ABCA13: variants seen among roughly 807,000 people sequenced by gnomAD.
ABCA13 encodes the protein ATP binding cassette subfamily A member 13.
ABCA13 carries 476 observed loss-of-function variants against 478.7 expected under a neutral mutation model. The ratio of observed to expected loss-of-function variants is 0.99; its 90% confidence interval spans 0.92 to 1.07. The LOEUF (loss-of-function observed/expected upper bound fraction) is 1.07, where lower values mean the gene tolerates loss of function less well. Among genes scored for constraint, ABCA13 ranks in the 50% least tolerant of loss-of-function variants. ABCA13 has a pLI of 0.00. For synonymous variants in ABCA13, 2,252 were observed against 2,158.9 expected (o/e 1.04, Z -1.20); for missense variants, 6,060 against 5,910.6 (o/e 1.03, Z -0.83).
At chr7:48,412,648 AGAGATGTGGGTAAAGGGGGG>A in intron 41 of ABCA13, 65 bp downstream of exon 41, 3 of 1,276,384 alleles carry the variant, frequency 2.4e-6, no homozygotes, top group Non-Finnish European at 2.1e-6. Flanking sequence ...CATTAAATGA[AGAGATGTGGGTAAAGGGGGG>A]GAGATGTGGG....
At chr7:48,377,267 C>T (rs562910731) in intron 35 of ABCA13, among the ~76,000 whole-genome samples, 1 of 151,476 alleles carries the variant, frequency 6.6e-6, no homozygotes, top group African/African-American at 2.4e-5. Context: ...GCACGCATAC[C>T]TTTACCTTTT....
intron 1 of ABCA13, among the ~76,000 whole-genome samples, chr7:48,183,192 A>G (rs1795928588): frequency 6.6e-6 from 1 of 152,082 alleles, no homozygotes; most frequent in African/African-American, 2.4e-5. Context: ...TTTCTTTCTT[A>G]TTCATTTACA....
rs1207941916 is a variant in ABCA13, at chr7:48,248,115, AC to A, written c.1660-123del. On this transcript the variant is annotated intron_variant, in intron 13 of 61. Transcript: ENST00000435803. ...TTAGATAATTACCATGCCATAGGGC[AC>A]GATCTTTGATGTACAGTTTGAGTGG... 2.3e-5 allele frequency: 17 copies of A among 733,740 alleles called. No individual in the cohort carries two copies. The African/African-American group carries it at 2.7e-4, about 12-fold the overall frequency. 45.5% of individuals were successfully genotyped at this position (733,740 alleles called of 1,614,324 possible). A position where few individuals can be genotyped will look rare whatever the true frequency, so the allele number is the denominator to read the frequency against.
rs1024729988 is a variant in ABCA13 at position 48,483,309 on chromosome 7, CAT to C, written c.13182+147_13182+148del. 14 of 690,620 alleles carry C rather than the reference CAT, an allele frequency of 2.0e-5. No individual in the cohort carries two copies. The African/African-American group carries it at 2.5e-4, about 13-fold the overall frequency. 42.8% of individuals were successfully genotyped at this position (690,620 alleles called of 1,614,324 possible). A position where few individuals can be genotyped will look rare whatever the true frequency, so the allele number is the denominator to read the frequency against. On this transcript the variant is annotated intron_variant, in intron 47 of 61. Coordinates refer to ENST00000435803, the MANE Select transcript of ABCA13 (RefSeq NM_152701.5). ...AGCATCAAGGAAAATTATATGTAAA[CAT>C]TGTCTTGAAAAAAAATGGCTTGTTT...
intron 56 of ABCA13, 31 bp from the exon 57 acceptor site, chr7:48,587,123 T>A: frequency 6.2e-7 from 1 of 1,611,930 alleles, no homozygotes; most frequent in Non-Finnish European, 8.5e-7. Flanking sequence ...TGGTGAATGC[T>A]GGTGTGCACA....
At chr7:48,505,840 G>A (rs565029850) in intron 48 of ABCA13, among the ~76,000 whole-genome samples, 2 of 152,210 alleles carry the variant, frequency 1.3e-5, no homozygotes, top group Admixed American at 1.3e-4. Context: ...ACATGCGCAA[G>A]CCCAAGAAAG....
At chr7:48,378,851 A>T (rs980617061) in intron 35 of ABCA13, among the ~76,000 whole-genome samples, 1 of 152,202 alleles carries the variant, frequency 6.6e-6, no homozygotes, top group Admixed American at 6.5e-5. Flanking sequence ...TGTGACCTCT[A>T]ATGAGTTATG....
chr7:48,406,423 C>T (rs1408071383), intron 39 of ABCA13, among the ~76,000 whole-genome samples: 2 of 152,164 alleles, frequency 1.3e-5, no homozygotes, highest in Non-Finnish European at 2.9e-5. Context: ...GTGCACAGTT[C>T]TGTATATACC....
chr7:48,440,338 T>A (rs1823411461), intron 42 of ABCA13, among the ~76,000 whole-genome samples: 1 of 152,182 alleles, frequency 6.6e-6, no homozygotes, highest in Non-Finnish European at 1.5e-5. Flanking sequence ...TTCTGAACTT[T>A]ATATAAAAGG....
At position 48,273,339 on chromosome 7, in the gene ABCA13, T is replaced by C; in HGVS notation, c.3673T>C (p.Trp1225Arg). The stretch of plus-strand genomic sequence containing the variant: ...AACTCAAGCCAATGACTTCCATAAT[T>C]GGGAGGACTTCCTGGATCTCAGGGA... The part of the protein sequence containing the change: ...NVTQANDFHN[W>R]EDFLDLRDFL... Residue 1225 changes from tryptophan (W) to arginine (R), a missense_variant, in exon 17 of 62, where the codon TGG (tryptophan) becomes CGG (arginine). Around this residue, in one of 3 missense-constraint regions of ABCA13, gnomAD observed 4,423 missense variants for 4,309.1 expected, o/e 1.03. Coordinates refer to ENST00000435803, the MANE Select transcript of ABCA13 (RefSeq NM_152701.5). 1 of 1,613,698 alleles carries C rather than the reference T, an allele frequency of 6.2e-7. No homozygotes were observed. The highest frequency in any genetic ancestry group is 1.1e-5 in the South Asian group (1 of 91,064).
intron 57 of ABCA13, among the ~76,000 whole-genome samples, chr7:48,589,466 A>G (rs1347832476): frequency 6.6e-6 from 1 of 152,202 alleles, no homozygotes; most frequent in Non-Finnish European, 1.5e-5. Flanking sequence ...AATGAATTCA[A>G]CATGTGTTTT....
At position 48,239,310 on chromosome 7, in the gene ABCA13, G is replaced by A; in HGVS notation, c.967G>A (p.Glu323Lys). The change falls in exon 9 of 62, where the codon GAG becomes AAG. Residue 323 changes from glutamate to lysine, a missense_variant. Glu to Lys is a moderately conservative substitution (Grantham distance 56). Transcript: ENST00000435803. ...VLSSTSEDEA[E>K]KWGHVGGCHP... ...GTCTAGCACATCAGAGGATGAAGCT[G>A]AGAAATGGGGCCACGTTGGAGGCTG... 6.2e-7 allele frequency: 1 copy of A among 1,614,000 alleles called. No individual in the cohort carries two copies. Among genetic ancestry groups the A allele is most frequent in the Non-Finnish European group, 8.5e-7 (1 of 1,179,874 alleles).
chr7:48,389,224 G>A lies in ABCA13; in HGVS notation c.11654+4G>A. On this transcript the variant is annotated splice_donor_region_variant and intron_variant, in intron 37 of 61. Transcript: ENST00000435803. ...GTGCCGGGAAAACCACTATCATGTGGGTCCCATTTTACCCTTATCAAACAC... is the reference window on the plus strand; with the variant it reads ...GTGCCGGGAAAACCACTATCATGTGAGTCCCATTTTACCCTTATCAAACAC... 4 of 1,611,198 alleles carry A rather than the reference G, an allele frequency of 2.5e-6. No homozygotes were observed. In the South Asian group the frequency reaches 4.4e-5, roughly 18 times the overall value.
intron 7 of ABCA13, among the ~76,000 whole-genome samples, chr7:48,232,624 T>C (rs1789321084): frequency 6.6e-6 from 1 of 152,200 alleles, no homozygotes; most frequent in Non-Finnish European, 1.5e-5. Flanking sequence ...TCCAATTATG[T>C]TATGCACTAA....
chr7:48,433,013 G>A (rs71547886), intron 42 of ABCA13, among the ~76,000 whole-genome samples: 24,197 of 151,812 alleles, frequency 0.16, 2,351 homozygotes, highest in East Asian at 0.23. Flanking sequence ...TGATTAGCTC[G>A]GTTTAGCCGC....
At chr7:48,394,838 C>A (rs556261980) in intron 38 of ABCA13, among the ~76,000 whole-genome samples, 6 of 152,250 alleles carry the variant, frequency 3.9e-5, no homozygotes, top group African/African-American at 1.2e-4. Context: ...TATCCCTCAA[C>A]CCCCTTGAGT....
rs1248320265 is a variant in ABCA13 at position 48,646,667 on chromosome 7, A to C, written c.*1155A>C. 5 of 152,024 alleles carry C rather than the reference A, an allele frequency of 3.3e-5. No homozygotes were observed. The highest frequency in any genetic ancestry group is 2.1e-4 in the South Asian group (1 of 4,808). 9.4% of individuals were successfully genotyped at this position (152,024 alleles called of 1,614,324 possible). A position where few individuals can be genotyped will look rare whatever the true frequency, so the allele number is the denominator to read the frequency against. On this transcript the variant is annotated 3_prime_UTR_variant, in exon 62 of 62. Transcript: ENST00000435803. Reference sequence around the variant, plus strand: ...CCCCAGCAGCTGGGACTACAGGCACACATCGCCACACCCGGCTAATTTTTA... The same window carrying C: ...CCCCAGCAGCTGGGACTACAGGCACCCATCGCCACACCCGGCTAATTTTTA...
chr7:48,310,981 T>G (rs577004237), intron 24 of ABCA13, among the ~76,000 whole-genome samples: 93 of 152,270 alleles, frequency 6.1e-4, no homozygotes, highest in African/African-American at 2.1e-3. Flanking sequence ...CCTCTACTGT[T>G]TGAATCTTTA....
intron 38 of ABCA13, among the ~76,000 whole-genome samples, chr7:48,393,815 TC>T (rs1306840088): frequency 6.6e-6 from 1 of 152,170 alleles, no homozygotes; most frequent in African/African-American, 2.4e-5. Flanking sequence ...ATTCCACCCT[TC>T]CTTTTACTTG....
Sources: allele counts gnomAD v4.1 joint callset (sites outside exome capture counted in the v4.1 genomes callset), GRCh38; gene constraint gnomAD v4.1.1; regional missense constraint gnomAD v4.1.1; transcripts MANE v1.5; gene names NCBI Gene and HGNC (gene_info 2026-07-23, HGNC 2026-07-21).